GREB1L: variants seen among roughly 807,000 people sequenced by gnomAD.
GREB1L encodes the protein GREB1 like retinoic acid receptor coactivator.
A neutral mutation model predicts 200.8 loss-of-function variants in GREB1L; 17 were observed. That is an observed-to-expected ratio of 0.08 (90% CI 0.06 to 0.13). GREB1L has a LOEUF of 0.13. GREB1L is among the 10% of genes least tolerant of loss of function. The pLI is 1.00. For missense variants in GREB1L, 1,657 were observed against 2,367.7 expected, an observed-to-expected ratio of 0.70 and a Z score of 6.23; for synonymous variants, 789 against 893.0, an observed-to-expected ratio of 0.88 and a Z score of 2.08.
intron 4 of GREB1L, among the ~76,000 whole-genome samples, chr18:21,392,172 A>C (rs2040848671): frequency 6.6e-6 from 1 of 152,248 alleles, no homozygotes. Context: ...GATTATCTAC[A>C]GGGTTAGTAC....
chr18:21,415,991 C>G (rs2031591578), intron 7 of GREB1L, among the ~76,000 whole-genome samples: 1 of 152,078 alleles, frequency 6.6e-6, no homozygotes, highest in African/African-American at 2.4e-5. Flanking sequence ...GAAAATACAA[C>G]CAATACCAAG....
At chr18:21,438,960 CAAAAAAAA>C (rs59125788) in intron 7 of GREB1L, among the ~76,000 whole-genome samples, 13 of 64,682 alleles carry the variant, frequency 2.0e-4, no homozygotes, top group African/African-American at 6.2e-4. Flanking sequence ...GACTCTGTCT[CAAAAAAAA>C]AAAAAAAAAA....
chr18:21,466,204 A>G (rs1014276701), intron 15 of GREB1L, among the ~76,000 whole-genome samples: 2 of 152,146 alleles, frequency 1.3e-5, no homozygotes, highest in East Asian at 1.9e-4. Flanking sequence ...TCTACTACTG[A>G]TGTACATTTG....
rs1229437449 is a variant in GREB1L at position 21,496,462 on chromosome 18, A to G, written c.3155A>G (p.Lys1052Arg). 1.3e-6 allele frequency: 2 copies of G among 1,551,696 alleles called. No homozygotes were observed. Among genetic ancestry groups the G allele is most frequent in the Non-Finnish European group, 1.7e-6 (2 of 1,147,002 alleles). ...CAATTACTTTTGTTCAGGTCTTTGA[A>G]GTACTGTGACCTCCGGTTAATTGAC... is the stretch of plus-strand genomic sequence containing the variant. ...PLGETFPRSL[K>R]YCDLRLIDSS... The change falls in exon 21 of 33, where the codon AAG (lysine) becomes AGG (arginine). Residue 1052 changes from lysine (K) to arginine (R), a missense_variant. Lys to Arg is a conservative substitution (Grantham distance 26). This residue lies in a region of GREB1L where 512 missense variants were observed against 668.3 expected (regional missense o/e 0.77). Transcript: ENST00000424526.
chr18:21,382,726 T>C (rs1377175963), intron 2 of GREB1L, among the ~76,000 whole-genome samples: 1 of 152,016 alleles, frequency 6.6e-6, no homozygotes, highest in African/African-American at 2.4e-5. Context: ...CCTGACCTCA[T>C]GTCACCTGCC....
At chr18:21,261,806 G>C (rs1260062430) in intron 1 of GREB1L, among the ~76,000 whole-genome samples, 1 of 152,042 alleles carries the variant, frequency 6.6e-6, no homozygotes, top group Non-Finnish European at 1.5e-5. Context: ...CCCCTATAGA[G>C]TCAAGGGTTG....
chr18:21,524,533 T>C lies in GREB1L; in HGVS notation c.*1712T>C, dbSNP rs1486811866. ...TTAAATATGAATGTATTTCACTTGT[T>C]CCTGTTTTGTTGAAAGGGCCTAATG... On this transcript the variant is annotated 3_prime_UTR_variant, in exon 33 of 33. Transcript: ENST00000424526. The C allele has an allele frequency of 6.6e-6, 1 of 152,192 alleles. No individual in the cohort carries two copies. The highest frequency in any genetic ancestry group is 1.5e-5 in the Non-Finnish European group (1 of 68,030). The allele number at this position is 152,192 out of a possible 1,614,324, so 9.4% of individuals were successfully genotyped here. A position where few individuals can be genotyped will look rare whatever the true frequency, so the allele number is the denominator to read the frequency against.
In GREB1L at chr18:21,502,238, G is replaced by A. The variant is rs560505008; in HGVS notation, c.4072+1596G>A. Among the ~76,000 whole-genome samples, 12 of 150,350 alleles carry A rather than the reference G, an allele frequency of 8.0e-5. No individual in the cohort carries two copies. The East Asian group carries it at 1.4e-3, about 17-fold the overall frequency. On this transcript the variant is annotated intron_variant, in intron 23 of 32. Coordinates refer to ENST00000424526, the MANE Select transcript of GREB1L (RefSeq NM_001142966.3). ...TGCACTCCAGCCTGGACGACAGAGC[G>A]AGACTCTGTCTCAAAAAAAAAAAAA...
chr18:21,434,125 A>G (rs1457060593), intron 7 of GREB1L, among the ~76,000 whole-genome samples: 1 of 152,158 alleles, frequency 6.6e-6, no homozygotes, highest in East Asian at 1.9e-4. Flanking sequence ...GTTGGTTTGC[A>G]TGACACTTTT....
At chr18:21,244,836 C>G (rs2037570035) in intron 1 of GREB1L, among the ~76,000 whole-genome samples, 1 of 152,184 alleles carries the variant, frequency 6.6e-6, no homozygotes, top group Non-Finnish European at 1.5e-5. Context: ...AGAGTGAATT[C>G]TCCTCGCAGC....
At chr18:21,379,921 T>G (rs2040234737) in intron 2 of GREB1L, among the ~76,000 whole-genome samples, 1 of 152,232 alleles carries the variant, frequency 6.6e-6, no homozygotes, top group African/African-American at 2.4e-5. Context: ...TGACAGACTT[T>G]GTTGATTTTC....
intron 15 of GREB1L, chr18:21,454,871 G>A: frequency 5.2e-6 from 2 of 383,436 alleles, no homozygotes; most frequent in South Asian, 2.2e-5. Context: ...GGCGAGGATG[G>A]CCCTGCATGG....
chr18:21,334,519 G>A (rs774819082), intron 1 of GREB1L, among the ~76,000 whole-genome samples: 18 of 152,006 alleles, frequency 1.2e-4, no homozygotes, highest in Non-Finnish European at 2.4e-4. Context: ...TGTCTTGCTG[G>A]ATAAAAAAAT....
chr18:21,388,533 CTTTTTTTTTTTTTTTT>C (rs768141691), intron 4 of GREB1L, among the ~76,000 whole-genome samples: 1 of 74,650 alleles, frequency 1.3e-5, no homozygotes, highest in African/African-American at 6.6e-5. Context: ...CCTTAGGTTC[CTTTTTTTTTTTTTTTT>C]TTTTTTTTTT....
intron 18 of GREB1L, among the ~76,000 whole-genome samples, chr18:21,489,181 T>C (rs574733168): frequency 9.9e-5 from 15 of 152,236 alleles, no homozygotes; most frequent in African/African-American, 3.6e-4. Flanking sequence ...AACTGCCGAT[T>C]TTAACAAAGG....
chr18:21,502,509 A>G (rs1471546069), intron 23 of GREB1L, among the ~76,000 whole-genome samples: 2 of 152,168 alleles, frequency 1.3e-5, no homozygotes, highest in Non-Finnish European at 2.9e-5. Context: ...CCAAGAAACT[A>G]GTTTAGGGCC....
At chr18:21,294,967 C>A (rs1306600496) in intron 1 of GREB1L, among the ~76,000 whole-genome samples, 1 of 152,108 alleles carries the variant, frequency 6.6e-6, no homozygotes, top group Non-Finnish European at 1.5e-5. Flanking sequence ...TCCCATGATT[C>A]ATTTCTGGCC....
At chr18:21,339,048 G>A (rs1292042847) in intron 1 of GREB1L, among the ~76,000 whole-genome samples, 9 of 152,222 alleles carry the variant, frequency 5.9e-5, no homozygotes, top group African/African-American at 1.7e-4. Context: ...AATTCCTGGC[G>A]TGGTGGCGGG....
chr18:21,333,937 G>A (rs2039146596), intron 1 of GREB1L, among the ~76,000 whole-genome samples: 4 of 151,456 alleles, frequency 2.6e-5, no homozygotes, highest in Middle Eastern at 3.4e-3. Context: ...AGTCATGGTT[G>A]TGCCATTGTA....
Sources: gnomAD v4.1 joint callset for allele counts (sites outside exome capture counted in the v4.1 genomes callset) on GRCh38, gnomAD v4.1.1 for gene constraint, gnomAD v4.1.1 regional missense constraint, MANE v1.5 for transcripts, NCBI Gene and HGNC (gene_info 2026-07-23, HGNC 2026-07-21) for gene names.